TACR3: variants seen among roughly 807,000 people sequenced by gnomAD.
TACR3 encodes the protein neuromedin-K receptor.
TACR3 carries 34 observed loss-of-function variants against 35.0 expected under a neutral mutation model. The observed-to-expected ratio is 0.97, with a 90% confidence interval of 0.74 to 1.30. TACR3 has a LOEUF of 1.30. Among genes scored for constraint, TACR3 ranks in the 50% most tolerant of loss-of-function variants. The pLI is 0.00. For missense variants in TACR3, 558 were observed against 591.7 expected, an observed-to-expected ratio of 0.94 and a Z score of 0.59; for synonymous variants, 233 against 221.1, an observed-to-expected ratio of 1.05 and a Z score of -0.48.
rs187263944 is a variant in TACR3 at position 103,619,607 on chromosome 4, G to A, written c.889-27924C>T. On this transcript the variant is annotated intron_variant, in intron 3 of 4. Transcript: ENST00000304883. Reference sequence around the variant, plus strand: ...TCCTTGTCTTGTTTCAGGTCTCAAGGAGAATGGTTTGAGCTTTTGCCCATT... The same window carrying A: ...TCCTTGTCTTGTTTCAGGTCTCAAGAAGAATGGTTTGAGCTTTTGCCCATT... 3.9e-5 allele frequency among the ~76,000 whole-genome samples: 6 copies of A among 152,268 alleles called. No individual in the cohort carries two copies. In the East Asian group the frequency reaches 1.2e-3, roughly 29 times the overall value.
chr4:103,644,166 T>G (rs1725412842), intron 3 of TACR3, among the ~76,000 whole-genome samples: 1 of 151,864 alleles, frequency 6.6e-6, no homozygotes, highest in Non-Finnish European at 1.5e-5. Context: ...CATGTGGTAT[T>G]GGCAATCAAT....
chr4:103,660,666 G>T (rs1383283695), intron 1 of TACR3, among the ~76,000 whole-genome samples: 3 of 151,888 alleles, frequency 2.0e-5, no homozygotes, highest in Non-Finnish European at 2.9e-5. Flanking sequence ...CATTAAATAT[G>T]TGCATTTTTT....
At chr4:103,712,577 GACTAAAAC>G (rs1432192752) in intron 1 of TACR3, among the ~76,000 whole-genome samples, 10 of 152,182 alleles carry the variant, frequency 6.6e-5, no homozygotes, top group African/African-American at 2.4e-4. Flanking sequence ...AGGACTTTAT[GACTAAAAC>G]ACCAAAGGCA....
At chr4:103,633,091 T>C (rs1243085215) in intron 3 of TACR3, among the ~76,000 whole-genome samples, 1 of 152,088 alleles carries the variant, frequency 6.6e-6, no homozygotes, top group East Asian at 1.9e-4. Context: ...ATGCAGTTCC[T>C]AGACCTTAGT....
intron 1 of TACR3, among the ~76,000 whole-genome samples, chr4:103,706,880 T>A (rs1722806175): frequency 6.6e-6 from 1 of 152,218 alleles, no homozygotes; most frequent in African/African-American, 2.4e-5. Context: ...ATTACAACTT[T>A]GAGTTATCTG....
At chr4:103,614,873 A>G (rs886536025) in intron 3 of TACR3, among the ~76,000 whole-genome samples, 1 of 118,236 alleles carries the variant, frequency 8.5e-6, no homozygotes, top group Non-Finnish European at 1.8e-5. Context: ...ACCTAAGTTG[A>G]TTATGAATGT....
intron 3 of TACR3, among the ~76,000 whole-genome samples, chr4:103,644,653 T>A (rs1346274007): frequency 6.6e-6 from 1 of 151,710 alleles, no homozygotes; most frequent in Non-Finnish European, 1.5e-5. Flanking sequence ...AATTTAAAAA[T>A]TTTTTTCTAG....
intron 1 of TACR3, 57 bp from the exon 2 acceptor site, chr4:103,658,460 T>C: frequency 1.3e-6 from 2 of 1,526,256 alleles, no homozygotes; most frequent in Non-Finnish European, 1.8e-6. Flanking sequence ...GAGTTTGAAA[T>C]GGAGTTTCAA....
intron 3 of TACR3, among the ~76,000 whole-genome samples, chr4:103,615,919 C>G (rs1156965694): frequency 2.0e-5 from 3 of 152,136 alleles, no homozygotes; most frequent in Admixed American, 6.6e-5. Flanking sequence ...GTCTATATAT[C>G]TACTCCTTTA....
At chr4:103,655,948 C>T (rs765439196) in intron 3 of TACR3, among the ~76,000 whole-genome samples, 14 of 151,992 alleles carry the variant, frequency 9.2e-5, no homozygotes, top group Non-Finnish European at 1.6e-4. Context: ...ATTAAGAATA[C>T]TTTACAAAAG....
At chr4:103,679,345 G>GT (rs1726239472) in intron 1 of TACR3, among the ~76,000 whole-genome samples, 1 of 151,984 alleles carries the variant, frequency 6.6e-6, no homozygotes. Context: ...GGCTGTTATG[G>GT]TTACCTTAAT....
At chr4:103,701,462 T>A (rs1301527641) in intron 1 of TACR3, among the ~76,000 whole-genome samples, 1 of 152,008 alleles carries the variant, frequency 6.6e-6, no homozygotes, top group Non-Finnish European at 1.5e-5. Context: ...ATTGTGAAAA[T>A]GGCCATACTG....
At chr4:103,663,757 C>G (rs1725881166) in intron 1 of TACR3, among the ~76,000 whole-genome samples, 1 of 152,140 alleles carries the variant, frequency 6.6e-6, no homozygotes, top group Non-Finnish European at 1.5e-5. Context: ...TTCGTTTGGG[C>G]ACCAATATTT....
At chr4:103,607,147 C>G (rs937498950) in intron 3 of TACR3, among the ~76,000 whole-genome samples, 1 of 152,112 alleles carries the variant, frequency 6.6e-6, no homozygotes, top group Non-Finnish European at 1.5e-5. Context: ...ATGATTATCT[C>G]AAGAGATAAT....
chr4:103,641,715 G>A (rs903669313), intron 3 of TACR3, among the ~76,000 whole-genome samples: 6 of 151,938 alleles, frequency 3.9e-5, no homozygotes, highest in African/African-American at 1.2e-4. Flanking sequence ...GCCAAGATAT[G>A]TAATCAACCT....
rs568734258 is a variant in TACR3 at position 103,658,200 on chromosome 4, A to G, written c.737+15T>C. 1 of 1,612,712 alleles carries G rather than the reference A, an allele frequency of 6.2e-7. No homozygotes were observed. The highest frequency in any genetic ancestry group is 2.2e-5 in the East Asian group (1 of 44,802). On this transcript the variant is annotated intron_variant, in intron 2 of 4. Transcript: ENST00000304883. Reference sequence around the variant, plus strand: ...GATAAACTGAATTGAAAACCATAATAGAGAATTAACTTACGTGAAATGTTG... The same window carrying G: ...GATAAACTGAATTGAAAACCATAATGGAGAATTAACTTACGTGAAATGTTG...
In TACR3 at chr4:103,589,700, A is replaced by T; in HGVS notation, c.1380T>A (p.Ser460=). ...AATGGAATTAAGAATATTCATCCACAGAGGTATAGGGTGAGCTTATGAAAC... is the reference window on the plus strand; with the variant it reads ...AATGGAATTAAGAATATTCATCCACTGAGGTATAGGGTGAGCTTATGAAAC... ...TSSFISSPYT[S]VDEYS Residue 460 remains serine (S), a synonymous_variant, in exon 5 of 5, where the codon TCT becomes TCA. Transcript: ENST00000304883. 6.2e-7 allele frequency: 1 copy of T among 1,613,940 alleles called. No homozygotes were observed. Among genetic ancestry groups the T allele is most frequent in the South Asian group, 1.1e-5 (1 of 91,088 alleles).
intron 1 of TACR3, among the ~76,000 whole-genome samples, chr4:103,686,765 A>C (rs573103182): frequency 5.9e-5 from 9 of 152,170 alleles, no homozygotes; most frequent in Non-Finnish European, 1.3e-4. Context: ...TAGAGAACTA[A>C]AGAAAAGCTT....
At chr4:103,630,471 A>T (rs1350737411) in intron 3 of TACR3, among the ~76,000 whole-genome samples, 3 of 151,986 alleles carry the variant, frequency 2.0e-5, no homozygotes, top group Non-Finnish European at 4.4e-5. Flanking sequence ...GAATCTACAA[A>T]GAACTCAAAT....
Sources: allele counts gnomAD v4.1 joint callset (sites outside exome capture counted in the v4.1 genomes callset), GRCh38; gene constraint gnomAD v4.1.1; transcripts MANE v1.5; gene names NCBI Gene and HGNC (gene_info 2026-07-23, HGNC 2026-07-21).